Variants in TENM3 observed in about 807,000 individuals in gnomAD.
The protein encoded by TENM3 is teneurin transmembrane protein 3, also known as teneurin-3.
A neutral mutation model predicts 255.1 loss-of-function variants in TENM3; 63 were observed. That is an observed-to-expected ratio of 0.25 (90% CI 0.20 to 0.30). TENM3 has a LOEUF of 0.30. Ranked by LOEUF, TENM3 falls within the 10% of genes least tolerant of loss-of-function variation. TENM3 has a pLI of 1.00. For synonymous variants in TENM3, 1,306 were observed against 1,322.3 expected, an observed-to-expected ratio of 0.99 and a Z score of 0.27; for missense variants, 2,929 against 3,461.1, an observed-to-expected ratio of 0.85 and a Z score of 3.86.
Position 182,155,498 on chromosome 4 carries a change from G to A in TENM3, c.-76+10744G>A, listed in dbSNP as rs374911183. On this transcript the variant is annotated intron_variant, in intron 1 of 2. Coordinates refer to the TENM3 transcript ENST00000512480. The stretch of plus-strand genomic sequence containing the variant: ...TCTGTTCTTCAGTATTTATAATAAG[G>A]AAACTATTTAAAAGATTATTTTTGT... 7.9e-5 allele frequency among the ~76,000 whole-genome samples: 12 copies of A among 152,070 alleles called. No individual in the cohort carries two copies. In the South Asian group the frequency reaches 2.3e-3, roughly 29 times the overall value.
intron 1 of TENM3, among the ~76,000 whole-genome samples, chr4:182,186,200 G>A (rs1262557734): frequency 6.6e-6 from 1 of 152,118 alleles, no homozygotes; most frequent in East Asian, 1.9e-4. Context: ...GTGTGTGCAT[G>A]TGTGTGTGTA....
chr4:181,698,958 AAC>A, the TENM3 span, among the ~76,000 whole-genome samples: 1 of 152,222 alleles, frequency 6.6e-6, no homozygotes, highest in African/African-American at 2.4e-5. Flanking sequence ...TTTAAAAGAA[AAC>A]ACAGACTTCA....
chr4:181,547,646 T>C, the TENM3 span, among the ~76,000 whole-genome samples: 3 of 152,004 alleles, frequency 2.0e-5, no homozygotes, highest in Non-Finnish European at 2.9e-5. Context: ...TGAAAGACAA[T>C]TAAACATGAG....
At chr4:182,784,134 T>A (rs993863682) in intron 24 of TENM3, among the ~76,000 whole-genome samples, 2 of 152,214 alleles carry the variant, frequency 1.3e-5, no homozygotes, top group Admixed American at 6.5e-5. Context: ...GGCGCTCTGC[T>A]TTTTAGAGTT....
the TENM3 span, among the ~76,000 whole-genome samples, chr4:181,600,257 A>G: frequency 6.6e-6 from 1 of 152,138 alleles, no homozygotes; most frequent in Non-Finnish European, 1.5e-5. Flanking sequence ...TTGCTATTGC[A>G]CAGAATGCTG....
the TENM3 span, among the ~76,000 whole-genome samples, chr4:181,809,431 G>A: frequency 6.6e-6 from 1 of 152,044 alleles, no homozygotes; most frequent in East Asian, 1.9e-4. Context: ...AATTATCCAC[G>A]GTTCGGGTGT....
the TENM3 span, among the ~76,000 whole-genome samples, chr4:181,609,883 A>G: frequency 6.6e-6 from 1 of 152,262 alleles, no homozygotes; most frequent in African/African-American, 2.4e-5. Context: ...CAGATTCTTC[A>G]GACTTCAAAG....
chr4:182,413,346 C>A (rs1770142650), intron 3 of TENM3, among the ~76,000 whole-genome samples: 1 of 152,046 alleles, frequency 6.6e-6, no homozygotes, highest in Non-Finnish European at 1.5e-5. Context: ...GCTGGGCACG[C>A]TGGCTCATAT....
At chr4:182,437,820 C>T (rs1485207342) in intron 3 of TENM3, among the ~76,000 whole-genome samples, 4 of 146,506 alleles carry the variant, frequency 2.7e-5, no homozygotes, top group South Asian at 2.2e-4. Context: ...AATATCTGGG[C>T]GGGCACCTGT....
chr4:182,521,814 T>TTA (rs1203036523), intron 3 of TENM3, among the ~76,000 whole-genome samples: 2 of 152,196 alleles, frequency 1.3e-5, no homozygotes, highest in Admixed American at 6.5e-5. Flanking sequence ...ACCAGGAACG[T>TTA]TATAGTCCAT....
chr4:182,731,926 CG>C (rs1166859745), intron 16 of TENM3, among the ~76,000 whole-genome samples: 1 of 151,718 alleles, frequency 6.6e-6, no homozygotes, highest in African/African-American at 2.4e-5. Flanking sequence ...AGACTACAGG[CG>C]ACTGCCACCA....
At chr4:182,234,178 T>C (rs1420629583) in intron 1 of TENM3, among the ~76,000 whole-genome samples, 1 of 152,146 alleles carries the variant, frequency 6.6e-6, no homozygotes, top group African/African-American at 2.4e-5. Context: ...TGTCAGTCTC[T>C]CTCTCTCTCT....
At chr4:182,359,278 AG>A (rs1765789825) in intron 3 of TENM3, among the ~76,000 whole-genome samples, 1 of 152,190 alleles carries the variant, frequency 6.6e-6, no homozygotes, top group African/African-American at 2.4e-5. Flanking sequence ...TGATTCGAAT[AG>A]TTTCAGAAGG....
intron 12 of TENM3, among the ~76,000 whole-genome samples, chr4:182,711,382 A>G (rs1458883751): frequency 6.6e-6 from 1 of 152,182 alleles, no homozygotes; most frequent in African/African-American, 2.4e-5. Flanking sequence ...TATTTGCTGG[A>G]ATCATGACTA....
chr4:182,199,242 T>A (rs535912320), intron 1 of TENM3, among the ~76,000 whole-genome samples: 28 of 152,122 alleles, frequency 1.8e-4, no homozygotes, highest in African/African-American at 5.5e-4. Flanking sequence ...GACAGGCAGA[T>A]CACTTGAGGT....
At chr4:181,684,089 A>C in the TENM3 span, among the ~76,000 whole-genome samples, 1 of 152,280 alleles carries the variant, frequency 6.6e-6, no homozygotes, top group East Asian at 1.9e-4. Flanking sequence ...GAAAAGTCCA[A>C]GTGGACTGCT....
At chr4:181,918,970 A>G in the TENM3 span, among the ~76,000 whole-genome samples, 1 of 152,202 alleles carries the variant, frequency 6.6e-6, no homozygotes, top group African/African-American at 2.4e-5. Context: ...TTCTGCATAT[A>G]TTGAATTTTC....
chr4:181,543,642 G>T, the TENM3 span, among the ~76,000 whole-genome samples: 5 of 152,148 alleles, frequency 3.3e-5, no homozygotes, highest in Non-Finnish European at 7.3e-5. Flanking sequence ...CTACTGCCAG[G>T]TCTTATAAAT....
chr4:181,704,509 C>T, the TENM3 span, among the ~76,000 whole-genome samples: 1 of 152,150 alleles, frequency 6.6e-6, no homozygotes, highest in Non-Finnish European at 1.5e-5. Flanking sequence ...CACTGTGACC[C>T]CCAAATAATT....
Sources: gnomAD v4.1 joint callset for allele counts (sites outside exome capture counted in the v4.1 genomes callset) on GRCh38, gnomAD v4.1.1 for gene constraint, MANE v1.5 for transcripts, NCBI Gene and HGNC (gene_info 2026-07-23, HGNC 2026-07-21) for gene names.